The following DHRS1 variants were observed in gnomAD, a reference collection of about 807,000 sequenced individuals.
The protein encoded by DHRS1 is dehydrogenase/reductase 1.
DHRS1 carries 34 observed loss-of-function variants against 35.2 expected under a neutral mutation model. The observed-to-expected ratio is 0.97, with a 90% CI of 0.74 to 1.29. The LOEUF (loss-of-function observed/expected upper bound fraction) is 1.29. Ranked by LOEUF, DHRS1 falls within the 50% of genes most tolerant of loss-of-function variation. The pLI, the probability that DHRS1 is intolerant of heterozygous loss-of-function variation, is 0.00. For synonymous variants in DHRS1, 133 were observed against 160.0 expected (o/e 0.83, Z 1.27); for missense variants, 354 against 403.6 (o/e 0.88, Z 1.05).
chr14:24,297,354 CA>C (rs2041267875), intron 2 of DHRS1, among the ~76,000 whole-genome samples: 1 of 152,174 alleles, frequency 6.6e-6, no homozygotes, highest in African/African-American at 2.4e-5. Flanking sequence ...TTGAAAAAAC[CA>C]AAGCTATCAG....
rs749980818 is a variant in DHRS1 at position 24,298,962 on chromosome 14, G to A, written c.145C>T (p.Gln49Ter). 8.1e-6 allele frequency: 13 copies of A among 1,608,504 alleles called. No homozygotes were observed. The highest frequency in any genetic ancestry group is 3.3e-5 in the Admixed American group (2 of 59,832). ...RHLDTLRVVA[Q>*]EAQSLGGQCV... ...GTCCCAGAGGAAGCACTCACCTCCT[G>A]AGCAACAACGCGAAGGGTGTCCAGA... The change falls in exon 2 of 9, where the codon CAG (glutamine) becomes TAG (stop). Residue 49 changes from glutamine (Q) to a stop codon, truncating the protein, a stop_gained. Coordinates refer to ENST00000288111, the MANE Select transcript of DHRS1 (RefSeq NM_001136050.3). LOFTEE classifies it high-confidence loss of function.
chr14:24,298,890 G>C (rs1358877390), intron 2 of DHRS1, 67 bp downstream of exon 2: 1 of 1,500,178 alleles, frequency 6.7e-7, no homozygotes, highest in Non-Finnish European at 9.0e-7. Flanking sequence ...GATTAGGAAA[G>C]GAGCTGTTAA....
In DHRS1 at chr14:24,296,812, G is replaced by A; in HGVS notation, c.220C>T (p.Leu74=). Residue 74 remains leucine, a synonymous_variant, in exon 3 of 9, where the codon CTG becomes TTG. Transcript: ENST00000288111. Reference sequence around the variant, plus strand: ...TGTTCCCGATCCACTTGCTCAAACAGGCTTCGCACTTCACTCTCCTGGCTT... The same window carrying A: ...TGTTCCCGATCCACTTGCTCAAACAAGCTTCGCACTTCACTCTCCTGGCTT... ...DSSQESEVRS[L]FEQVDREQQG... is the part of the protein sequence containing the mutation. The A allele has an allele frequency of 6.2e-7, 1 of 1,614,234 alleles. No homozygotes were observed. Among genetic ancestry groups the A allele is most frequent in the Non-Finnish European group, 8.5e-7 (1 of 1,180,046 alleles).
At position 24,296,849 on chromosome 14, in the gene DHRS1, C is replaced by G; in HGVS notation, c.183G>C (p.Val61=). ...CACTCTCCTGGCTTGAATCGCACACCACAGGCACACATTGGCCCCCGAGGG... is the reference window on the plus strand; with the variant it reads ...CACTCTCCTGGCTTGAATCGCACACGACAGGCACACATTGGCCCCCGAGGG... ...AQSLGGQCVP[V]VCDSSQESEV... Residue 61 remains valine, a synonymous_variant, in exon 3 of 9, where the codon GTG becomes GTC. Coordinates refer to ENST00000288111, the MANE Select transcript of DHRS1 (RefSeq NM_001136050.3). 1 of 1,614,230 alleles carries G rather than the reference C, an allele frequency of 6.2e-7. No homozygotes were observed. Among genetic ancestry groups the G allele is most frequent in the African/African-American group, 1.3e-5 (1 of 75,048 alleles).
In DHRS1 at chr14:24,292,674, G is replaced by A. The variant is rs11550018; in HGVS notation, c.485C>T (p.Pro162Leu). The change falls in exon 5 of 9, where the codon CCC (proline) becomes CTC (leucine). Residue 162 changes from proline (P) to leucine (L), a missense_variant. Physicochemically the swap from Pro to Leu is moderately conservative, Grantham distance 98 (BLOSUM62 -3). Coordinates refer to ENST00000288111, the MANE Select transcript of DHRS1 (RefSeq NM_001136050.3). ...PGSLQYMFNV[P>L]YGVGKAACDK... ...CACCGCAGCTTTGCCCACACCATAG[G>A]GGACATTGAACATATACTGCAGGCT... 3.1e-6 allele frequency: 5 copies of A among 1,614,062 alleles called. No homozygotes were observed. Among genetic ancestry groups the A allele is most frequent in the Non-Finnish European group, 4.2e-6 (5 of 1,180,040 alleles).
At chr14:24,291,099 G>T in intron 8 of DHRS1, 40 bp downstream of exon 8, 1 of 1,613,374 alleles carries the variant, frequency 6.2e-7, no homozygotes, top group South Asian at 1.1e-5. Context: ...GGAACAGAGG[G>T]AACAGCAGTC....
intron 5 of DHRS1, 132 bp from the exon 6 acceptor site, chr14:24,292,462 G>A (rs1387209440): frequency 3.8e-5 from 55 of 1,466,382 alleles, no homozygotes; most frequent in Non-Finnish European, 4.6e-5. Context: ...AGCTGCCCAC[G>A]CTCCCCAGTG....
chr14:24,294,919 G>A (rs1455496460), intron 4 of DHRS1, among the ~76,000 whole-genome samples: 1 of 152,188 alleles, frequency 6.6e-6, no homozygotes, highest in Non-Finnish European at 1.5e-5. Flanking sequence ...GAGGACATGG[G>A]GAAACACATA....
chr14:24,299,757 C>T lies in DHRS1; in HGVS notation c.-201G>A. On this transcript the variant is annotated 5_prime_UTR_variant, in exon 1 of 9. Coordinates refer to ENST00000288111, the MANE Select transcript of DHRS1 (RefSeq NM_001136050.3). The stretch of plus-strand genomic sequence containing the variant: ...CAGAGTCCCAGGCCAAAGTTAGAAC[C>T]TGCGGATGGGGGCGGAGCGATCTGG... The T allele has an allele frequency of 1.6e-6, 1 of 612,372 alleles. No individual in the cohort carries two copies. Among genetic ancestry groups the T allele is most frequent in the Middle Eastern group, 4.6e-4 (1 of 2,174 alleles). The allele number at this position is 612,372 out of a possible 1,614,324, so 37.9% of individuals were successfully genotyped here.
intron 4 of DHRS1, among the ~76,000 whole-genome samples, chr14:24,296,027 G>A (rs2041242321): frequency 6.6e-6 from 1 of 152,236 alleles, no homozygotes; most frequent in African/African-American, 2.4e-5. Context: ...GACCCTGTGT[G>A]ACCCAGTGAT....
rs2041168509 is a variant in DHRS1, at chr14:24,292,176, T to G, written c.654+8A>C. ...GTTCTCTGCTTCCTTCGCCCTCCCC[T>G]TGCCAACCTGCTTCAACACAGGATC... On this transcript the variant is annotated splice_region_variant and intron_variant, in intron 6 of 8. Coordinates refer to ENST00000288111, the MANE Select transcript of DHRS1 (RefSeq NM_001136050.3). The G allele has an allele frequency of 6.2e-7, 1 of 1,614,010 alleles. No individual in the cohort carries two copies. Among genetic ancestry groups the G allele is most frequent in the African/African-American group, 1.3e-5 (1 of 74,916 alleles).
intron 2 of DHRS1, chr14:24,298,700 C>T (rs2139106857): frequency 7.6e-6 from 3 of 396,682 alleles, no homozygotes; most frequent in East Asian, 4.7e-5. Flanking sequence ...CCTCAGCCTC[C>T]GGAGTAGCTG....
intron 2 of DHRS1, chr14:24,298,686 C>T (rs1044997997): frequency 5.5e-6 from 2 of 360,564 alleles, no homozygotes; most frequent in South Asian, 3.8e-5. Context: ...AAGCGATCCT[C>T]CTGCCTCAGC....
intron 4 of DHRS1, chr14:24,293,055 G>A: frequency 2.4e-6 from 1 of 423,170 alleles, no homozygotes; most frequent in East Asian, 4.6e-5. Context: ...AAACAAAATT[G>A]TTCAGGGGGA....
chr14:24,291,161 G>A lies in DHRS1; in HGVS notation c.783C>T (p.Arg261=). 1 of 1,614,158 alleles carries A rather than the reference G, an allele frequency of 6.2e-7. No individual in the cohort carries two copies. The highest frequency in any genetic ancestry group is 8.5e-7 in the Non-Finnish European group (1 of 1,180,026). ...CACCGTCCACATCCCGAAGGCCATA[G>A]CGTCGAGCAAGGTCACAGGATGGCA... is the stretch of plus-strand genomic sequence containing the variant. ...KVLPSCDLAR[R]YGLRDVDGRP... is the part of the protein sequence containing the mutation. Residue 261 remains arginine (R), a synonymous_variant, in exon 8 of 9, where the codon CGC becomes CGT. Coordinates refer to ENST00000288111, the MANE Select transcript of DHRS1 (RefSeq NM_001136050.3).
chr14:24,292,254 A>T lies in DHRS1; in HGVS notation c.584T>A (p.Ile195Asn). ...CTCCTTCAGCAGTTCTGTCTGCACA[A>T]TCCCCGGCCACAGAGACACACAGCT... is the stretch of plus-strand genomic sequence containing the variant. ...GVSCVSLWPG[I>N]VQTELLKEHM... Residue 195 changes from isoleucine to asparagine, a missense_variant, in exon 6 of 9, where the codon ATT becomes AAT. Coordinates refer to ENST00000288111, the MANE Select transcript of DHRS1 (RefSeq NM_001136050.3). 1 of 1,614,014 alleles carries T rather than the reference A, an allele frequency of 6.2e-7. No individual in the cohort carries two copies. Among genetic ancestry groups the T allele is most frequent in the Non-Finnish European group, 8.5e-7 (1 of 1,180,012 alleles).
chr14:24,299,364 G>T, intron 1 of DHRS1: 1 of 416,150 alleles, frequency 2.4e-6, no homozygotes. Context: ...GTCCAGAGGT[G>T]GACAACTACT....
At chr14:24,291,506 C>G (rs766904277) in intron 7 of DHRS1, 50 bp downstream of exon 7, 11 of 1,581,282 alleles carry the variant, frequency 7.0e-6, no homozygotes, top group Non-Finnish European at 9.6e-6. Flanking sequence ...TGCTACCGCA[C>G]TACACATCCT....
rs983030016 is a variant in DHRS1 at position 24,298,886 on chromosome 14, G to A, written c.150+71C>T. 1.3e-5 allele frequency: 20 copies of A among 1,492,004 alleles called. No homozygotes were observed. The African/African-American group carries it at 2.4e-4, about 18-fold the overall frequency. 92.4% of individuals were successfully genotyped at this position (1,492,004 alleles called of 1,614,324 possible). On this transcript the variant is annotated intron_variant, in intron 2 of 8. Transcript: ENST00000288111. ...ATTATAGTTTCAGGTAAGGGATTAG[G>A]AAAGGAGCTGTTAAGTGGAAGGGCT...
Sources: allele counts gnomAD v4.1 joint callset (sites outside exome capture counted in the v4.1 genomes callset), GRCh38; gene constraint gnomAD v4.1.1; transcripts MANE v1.5; gene names NCBI Gene and HGNC (gene_info 2026-07-23, HGNC 2026-07-21).